PCDHA1: variants seen among roughly 807,000 people sequenced by gnomAD.
The protein encoded by PCDHA1 is protocadherin alpha 1, also known as protocadherin alpha-1.
Under a neutral mutation model 61.3 loss-of-function variants are expected in PCDHA1, and 42 were observed. That is an observed-to-expected ratio of 0.69 (90% CI 0.54 to 0.89). PCDHA1 has a LOEUF of 0.89. Among genes scored for constraint, PCDHA1 ranks in the 40% least tolerant of loss-of-function variants. The probability of loss-of-function intolerance (pLI) is 0.00; values close to 1 mark genes in which losing one functional copy is unlikely to be tolerated. For missense variants in PCDHA1, 1,256 were observed against 1,235.3 expected, an observed-to-expected ratio of 1.02 and a Z score of -0.25; for synonymous variants, 610 against 553.8, an observed-to-expected ratio of 1.10 and a Z score of -1.43.
intron 1 of PCDHA1, among the ~76,000 whole-genome samples, chr5:140,798,290 G>A (rs1762312109): frequency 6.6e-6 from 1 of 152,154 alleles, no homozygotes; most frequent in African/African-American, 2.4e-5. Context: ...CTAATCTTAA[G>A]TATGTTTTTT....
intron 1 of PCDHA1, chr5:140,870,624 G>T (rs1554164487): frequency 1.2e-6 from 2 of 1,613,112 alleles, no homozygotes; most frequent in South Asian, 2.2e-5. Flanking sequence ...CGAGCTACGT[G>T]TCGGTGCACG....
chr5:140,864,875 T>G (rs1554159183), intron 1 of PCDHA1: 1 of 152,186 alleles, frequency 6.6e-6, no homozygotes, highest in Non-Finnish European at 1.5e-5. Context: ...TACCATTGTC[T>G]GTGTTCATTA....
intron 1 of PCDHA1, chr5:140,834,667 T>C (rs1773186748): frequency 5.0e-6 from 8 of 1,614,226 alleles, no homozygotes; most frequent in Non-Finnish European, 6.8e-6. Context: ...CGCGAGGAGC[T>C]GTGCGGGCGG....
Position 140,862,950 on chromosome 5 carries a change from G to T in PCDHA1, c.2394+74266G>T, listed in dbSNP as rs559605019. The T allele has an allele frequency of 5.5e-6, 3 of 541,462 alleles. No homozygotes were observed. The East Asian group carries it at 1.4e-4, about 26-fold the overall frequency. 33.5% of individuals were successfully genotyped at this position (541,462 alleles called of 1,614,324 possible). A position where few individuals can be genotyped will look rare whatever the true frequency, so the allele number is the denominator to read the frequency against. ...GGCGGCGCTGTGAGTGAGCTGGTGC[G>T]GTATTCAGTGGATGCAGGCCACTTG... On this transcript the variant is annotated intron_variant, in intron 1 of 3. Coordinates refer to ENST00000504120, the MANE Select transcript of PCDHA1 (RefSeq NM_018900.4).
Position 140,787,643 on chromosome 5 carries a change from C to T in PCDHA1, c.1353C>T (p.Asn451=), listed in dbSNP as rs143660641. ...TGGAGGTGGCCGACGTGAATGACAA[C>T]GCGCCTGCGTTCGCGCAGCCCGAGT... The part of the protein sequence containing the change: ...VSVEVADVND[N]APAFAQPEYT... The change falls in exon 1 of 4, where the codon AAC becomes AAT. Residue 451 remains asparagine, a synonymous_variant. Coordinates refer to ENST00000504120, the MANE Select transcript of PCDHA1 (RefSeq NM_018900.4). 2.4e-5 allele frequency: 38 copies of T among 1,614,012 alleles called. 1 individual carries two copies. In the Middle Eastern group the frequency reaches 5.0e-4, roughly 21 times the overall value.
intron 1 of PCDHA1, chr5:140,829,266 A>T: frequency 6.2e-7 from 1 of 1,614,248 alleles, no homozygotes; most frequent in South Asian, 1.1e-5. Context: ...CTGACGCCTC[A>T]CGTCCCTTTC....
chr5:140,847,462 G>A (rs2150400776), intron 1 of PCDHA1: 2 of 149,808 alleles, frequency 1.3e-5, no homozygotes, highest in African/African-American at 2.4e-5. Context: ...TTAATTAATC[G>A]ACTTGGACGT....
At chr5:140,933,043 TTACAG>T (rs2088815102) in intron 1 of PCDHA1, among the ~76,000 whole-genome samples, 1 of 151,992 alleles carries the variant, frequency 6.6e-6, no homozygotes, top group Admixed American at 6.5e-5. Flanking sequence ...TGAATATGGA[TTACAG>T]TCCAGGATCC....
Position 141,009,469 on chromosome 5 carries a change from A to G in PCDHA1, c.2543-158A>G, listed in dbSNP as rs1440766583. On this transcript the variant is annotated intron_variant, in intron 3 of 3. Transcript: ENST00000504120. Reference sequence around the variant, plus strand: ...AAAAAAATTAAACAAATAAATAAATAAGTAAACACTTGCCTTGCCCTCAGA... The same window carrying G: ...AAAAAAATTAAACAAATAAATAAATGAGTAAACACTTGCCTTGCCCTCAGA... 6 of 956,242 alleles carry G rather than the reference A, an allele frequency of 6.3e-6. No homozygotes were observed. The African/African-American group carries it at 7.1e-5, about 11-fold the overall frequency. 59.2% of individuals were successfully genotyped at this position (956,242 alleles called of 1,614,324 possible). A position where few individuals can be genotyped will look rare whatever the true frequency, so the allele number is the denominator to read the frequency against.
chr5:140,809,492 C>T, intron 1 of PCDHA1: 1 of 1,614,240 alleles, frequency 6.2e-7, no homozygotes, highest in Non-Finnish European at 8.5e-7. Context: ...CAAGACCGAC[C>T]TCATGGCCTT....
At chr5:140,927,045 C>T (rs965998627) in intron 1 of PCDHA1, 8 of 1,612,136 alleles carry the variant, frequency 5.0e-6, no homozygotes, top group African/African-American at 1.3e-5. Flanking sequence ...CCGCTATGTC[C>T]TCGCGGAACT....
At chr5:140,890,753 C>G (rs1274674281) in intron 1 of PCDHA1, among the ~76,000 whole-genome samples, 1 of 152,114 alleles carries the variant, frequency 6.6e-6, no homozygotes, top group African/African-American at 2.4e-5. Context: ...TTCTGTCATG[C>G]TTTAAAAATA....
chr5:140,808,230 CA>C, intron 1 of PCDHA1: 2 of 1,614,206 alleles, frequency 1.2e-6, no homozygotes, highest in Non-Finnish European at 1.7e-6. Context: ...GATAATGTCC[CA>C]GATTTGGAAT....
rs912184171 is a variant in PCDHA1 at position 140,852,142 on chromosome 5, T to G, written c.2394+63458T>G. 6 of 876,650 alleles carry G rather than the reference T, an allele frequency of 6.8e-6. No individual in the cohort carries two copies. In the African/African-American group the frequency reaches 1.1e-4, roughly 16 times the overall value. The allele number at this position is 876,650 out of a possible 1,614,324, so 54.3% of individuals were successfully genotyped here. ...TAATTAAAAACTCAGTAGAGAAAGA[T>G]CAGAATGGCCTTGAGAATAGAGCCA... On this transcript the variant is annotated intron_variant, in intron 1 of 3. Transcript: ENST00000504120.
chr5:140,802,307 T>G (rs3733707), intron 1 of PCDHA1: 31 of 1,613,946 alleles, frequency 1.9e-5, no homozygotes, highest in Non-Finnish European at 2.5e-5. Flanking sequence ...CAGTCATCGC[T>G]CTGATCAGCG....
At chr5:140,920,415 G>A (rs1229102806) in intron 1 of PCDHA1, among the ~76,000 whole-genome samples, 4 of 152,002 alleles carry the variant, frequency 2.6e-5, no homozygotes, top group Non-Finnish European at 5.9e-5. Flanking sequence ...ATCAGATACA[G>A]CTGTTCTCCC....
intron 1 of PCDHA1, chr5:140,795,479 T>A (rs1761962011): frequency 6.2e-7 from 1 of 1,614,044 alleles, no homozygotes; most frequent in Admixed American, 1.7e-5. Flanking sequence ...TCCTACAAGC[T>A]CAGCTCCAGT....
At chr5:140,859,049 C>A (rs1416112480) in intron 1 of PCDHA1, 2 of 150,472 alleles carry the variant, frequency 1.3e-5, no homozygotes, top group African/African-American at 4.9e-5. Flanking sequence ...AAAACGTTTT[C>A]CATTTTTATT....
chr5:140,859,790 A>C (rs1023981970), intron 1 of PCDHA1: 1 of 152,502 alleles, frequency 6.6e-6, no homozygotes, highest in Non-Finnish European at 1.5e-5. Context: ...AGCTCTTAGA[A>C]ATTATAGATG....
Sources: allele counts gnomAD v4.1 joint callset (sites outside exome capture counted in the v4.1 genomes callset), GRCh38; gene constraint gnomAD v4.1.1; transcripts MANE v1.5; gene names NCBI Gene and HGNC (gene_info 2026-07-23, HGNC 2026-07-21).